Variants in RPS6KC1 observed in about 807,000 individuals in gnomAD.
RPS6KC1 encodes the protein ribosomal protein S6 kinase C1, also known as inactive ribosomal protein S6 kinase delta-1.
In RPS6KC1, 54 loss-of-function variants were observed where a neutral mutation model predicts 103.8. The ratio of observed to expected loss-of-function variants is 0.52; its 90% CI spans 0.42 to 0.65. RPS6KC1 has a LOEUF of 0.65. Ranked by LOEUF, RPS6KC1 falls within the 30% of genes least tolerant of loss-of-function variation. RPS6KC1 has a pLI of 0.00. For missense variants in RPS6KC1, 1,151 were observed against 1,253.8 expected, an observed-to-expected ratio of 0.92 and a Z score of 1.24; for synonymous variants, 439 against 438.7, an observed-to-expected ratio of 1.00 and a Z score of -0.01.
the RPS6KC1 span, among the ~76,000 whole-genome samples, chr1:213,846,506 C>G: frequency 5.9e-5 from 9 of 152,056 alleles, no homozygotes; most frequent in Non-Finnish European, 1.2e-4. Context: ...TATAAACAGA[C>G]CTTAACTAAT....
At chr1:213,430,045 A>G in the RPS6KC1 span, among the ~76,000 whole-genome samples, 91 of 152,334 alleles carry the variant, frequency 6.0e-4, no homozygotes, top group Admixed American at 2.4e-3. Flanking sequence ...GGCTCTGCTT[A>G]GACTGACCCT....
At chr1:213,790,538 A>G in the RPS6KC1 span, among the ~76,000 whole-genome samples, 5 of 152,196 alleles carry the variant, frequency 3.3e-5, no homozygotes, top group Non-Finnish European at 5.9e-5. Flanking sequence ...AAGAAGAAGG[A>G]AAGAAAGAAG....
chr1:213,817,358 A>G, the RPS6KC1 span, among the ~76,000 whole-genome samples: 3 of 152,226 alleles, frequency 2.0e-5, no homozygotes, highest in South Asian at 6.2e-4. Flanking sequence ...GCTGAAGGGC[A>G]GCTGTTTATA....
the RPS6KC1 span, among the ~76,000 whole-genome samples, chr1:213,723,039 G>A: frequency 6.6e-6 from 1 of 152,090 alleles, no homozygotes; most frequent in Non-Finnish European, 1.5e-5. Context: ...AATTAGCCAG[G>A]CATGGTGGCA....
At chr1:213,243,288 T>A (rs1362058985) in intron 12 of RPS6KC1, among the ~76,000 whole-genome samples, 1 of 149,784 alleles carries the variant, frequency 6.7e-6, no homozygotes, top group African/African-American at 2.5e-5. Context: ...TAAAAAAATT[T>A]TTTTTTTTTT....
chr1:213,336,639 C>G, the RPS6KC1 span, among the ~76,000 whole-genome samples: 1 of 152,130 alleles, frequency 6.6e-6, no homozygotes, highest in Non-Finnish European at 1.5e-5. Flanking sequence ...CCTTTCAAAA[C>G]CTATTAAATA....
chr1:213,294,840 G>A, the RPS6KC1 span, among the ~76,000 whole-genome samples: 7 of 152,050 alleles, frequency 4.6e-5, no homozygotes, highest in African/African-American at 1.7e-4. Context: ...TTTCAAAAAC[G>A]CTTCTTCTCC....
chr1:213,077,869 A>C, intron 3 of RPS6KC1, 53 bp downstream of exon 3: 1 of 1,056,616 alleles, frequency 9.5e-7, no homozygotes, highest in East Asian at 2.9e-5. Context: ...TTTTGTATAT[A>C]TACTGAACTC....
the RPS6KC1 span, among the ~76,000 whole-genome samples, chr1:213,503,962 T>A: frequency 6.6e-6 from 1 of 152,198 alleles, no homozygotes; most frequent in African/African-American, 2.4e-5. Context: ...TAGCATTGTT[T>A]ATAATAAAAA....
At chr1:213,526,183 C>T in the RPS6KC1 span, among the ~76,000 whole-genome samples, 3 of 152,056 alleles carry the variant, frequency 2.0e-5, no homozygotes, top group East Asian at 1.9e-4. Flanking sequence ...TAGATGTAAA[C>T]GTGTGATCGA....
the RPS6KC1 span, among the ~76,000 whole-genome samples, chr1:213,377,201 T>C: frequency 6.6e-6 from 1 of 152,198 alleles, no homozygotes; most frequent in East Asian, 1.9e-4. Context: ...TGTTTTCTAG[T>C]GGAGAGCAAA....
chr1:213,731,592 A>G, the RPS6KC1 span: 2 of 152,204 alleles, frequency 1.3e-5, no homozygotes, highest in Non-Finnish European at 2.9e-5. Flanking sequence ...ATTGTTTAAC[A>G]CTTGCTTAGT....
intron 8 of RPS6KC1, among the ~76,000 whole-genome samples, chr1:213,210,041 G>A (rs960474949): frequency 2.0e-5 from 3 of 152,164 alleles, no homozygotes; most frequent in Middle Eastern, 3.4e-3. Context: ...GGTTTTGGTG[G>A]GTTTTGGTTG....
chr1:213,132,589 T>C (rs946753661), intron 6 of RPS6KC1, among the ~76,000 whole-genome samples: 1 of 152,186 alleles, frequency 6.6e-6, no homozygotes, highest in Non-Finnish European at 1.5e-5. Flanking sequence ...GCTCTAGTTA[T>C]GAGCTTGATT....
Position 213,072,924 on chromosome 1 carries a change from C to CT in RPS6KC1, c.141+1889dup, listed in dbSNP as rs376438957. ...CATACTCTCTGCCATTTTCTTAGTC[C>CT]TTTTTTCGGGAAAACTCTTTTATAA... is the stretch of plus-strand genomic sequence containing the variant. On this transcript the variant is annotated intron_variant, in intron 2 of 14. Coordinates refer to ENST00000366960, the MANE Select transcript of RPS6KC1 (RefSeq NM_012424.6). The CT allele has an allele frequency of 1.4e-3, 1,420 of 981,848 alleles. 2 individuals carry two copies. Among genetic ancestry groups the CT allele is most frequent in the Middle Eastern group, 0.012 (23 of 1,906 alleles). The allele number at this position is 981,848 out of a possible 1,614,324, so 60.8% of individuals were successfully genotyped here.
chr1:213,514,334 C>T, the RPS6KC1 span, among the ~76,000 whole-genome samples: 60 of 151,576 alleles, frequency 4.0e-4, no homozygotes, highest in African/African-American at 1.4e-3. Context: ...CACCCATTAA[C>T]TCATCATTTA....
At chr1:213,440,813 T>C in the RPS6KC1 span, among the ~76,000 whole-genome samples, 3 of 152,112 alleles carry the variant, frequency 2.0e-5, no homozygotes, top group African/African-American at 7.2e-5. Flanking sequence ...TTACTACAGG[T>C]CTGCCCCTGT....
At chr1:213,717,417 G>A in the RPS6KC1 span, among the ~76,000 whole-genome samples, 1 of 152,216 alleles carries the variant, frequency 6.6e-6, no homozygotes, top group Non-Finnish European at 1.5e-5. Context: ...TTGAGACAGA[G>A]GGAAGAACAT....
chr1:213,064,253 C>T (rs964020758), intron 1 of RPS6KC1, among the ~76,000 whole-genome samples: 1 of 152,070 alleles, frequency 6.6e-6, no homozygotes, highest in Non-Finnish European at 1.5e-5. Flanking sequence ...GGCGGGGTTT[C>T]ACCATGTTGG....
Sources: gnomAD v4.1 joint callset for allele counts (sites outside exome capture counted in the v4.1 genomes callset) on GRCh38, gnomAD v4.1.1 for gene constraint, MANE v1.5 for transcripts, NCBI Gene and HGNC (gene_info 2026-07-23, HGNC 2026-07-21) for gene names.